Variants in MANF observed in about 807,000 individuals in gnomAD.
The protein encoded by MANF is mesencephalic astrocyte derived neurotrophic factor, also known as mesencephalic astrocyte-derived neurotrophic factor.
A neutral mutation model predicts 19.1 loss-of-function variants in MANF; 9 were observed. The observed-to-expected ratio is 0.47, with a 90% confidence interval of 0.28 to 0.82. The LOEUF (loss-of-function observed/expected upper bound fraction) is 0.82. Ranked by LOEUF, MANF falls within the 40% of genes least tolerant of loss-of-function variation. The pLI is 0.10. For missense variants in MANF, 225 were observed against 226.7 expected (o/e 0.99, Z 0.05); for synonymous variants, 89 against 88.0 (o/e 1.01, Z -0.06).
Position 51,388,906 on chromosome 3 carries a change from C to G in MANF, c.366C>G (p.Asp122Glu), listed in dbSNP as rs1553621150. 1 of 1,564,780 alleles carries G rather than the reference C, an allele frequency of 6.4e-7. No individual in the cohort carries two copies. ...GACTCTCCCTGCTCTCTCCTCCAGA[C>G]AAGCAGATCGACCTGAGCACAGTGG... ...KDSQICELKYDKQIDLSTVDL... is the reference protein window; with the variant it reads ...KDSQICELKYEKQIDLSTVDL... Residue 122 changes from aspartate (D) to glutamate (E), a missense_variant and splice_region_variant, in exon 4 of 4, where the codon GAC (aspartate) becomes GAG (glutamate). Transcript: ENST00000528157.
chr3:51,387,669 G>T, intron 2 of MANF, 68 bp from the exon 3 acceptor site: 1 of 1,453,056 alleles, frequency 6.9e-7, no homozygotes, highest in South Asian at 1.2e-5. Context: ...ATGTTTCAAG[G>T]TGTCAGTATG....
Position 51,385,332 on chromosome 3 carries a change from G to GGAGGAGGAT in MANF, c.-9_-8insGGAGGATGA, listed in dbSNP as rs2088930925. 3 of 1,107,508 alleles carry GGAGGAGGAT rather than the reference G, an allele frequency of 2.7e-6. No homozygotes were observed. In the Admixed American group the frequency reaches 1.3e-4, roughly 49 times the overall value. 68.6% of individuals were successfully genotyped at this position (1,107,508 alleles called of 1,614,324 possible). A position where few individuals can be genotyped will look rare whatever the true frequency, so the allele number is the denominator to read the frequency against. ...CAGCGGAGGAGGAGGAGGAGGAGGA[G>GGAGGAGGAT]GATGAGGAGGATGAGGAGGATGTGG... is the stretch of plus-strand genomic sequence containing the variant. On this transcript the variant is annotated 5_prime_UTR_variant, in exon 1 of 4. It adds an upstream start codon to the 5' untranslated region. Coordinates refer to ENST00000528157, the MANE Select transcript of MANF (RefSeq NM_006010.6).
intron 3 of MANF, among the ~76,000 whole-genome samples, 191 bp downstream of exon 3, chr3:51,388,069 C>T (rs1010565965): frequency 1.3e-5 from 2 of 152,126 alleles, no homozygotes; most frequent in Admixed American, 6.5e-5. Context: ...AGTGATATTT[C>T]AGCAAACTTT....
intron 2 of MANF, among the ~76,000 whole-genome samples, 174 bp downstream of exon 2, chr3:51,386,509 T>C (rs1400929264): frequency 6.6e-6 from 1 of 152,248 alleles, no homozygotes; most frequent in Non-Finnish European, 1.5e-5. Flanking sequence ...GCAGCATGTG[T>C]TCTGCAACTG....
rs782593739 is a variant in MANF, at chr3:51,388,980, G to T, written c.440G>T (p.Trp147Leu). The change falls in exon 4 of 4, where the codon TGG becomes TTG. Residue 147 changes from tryptophan to leucine, a missense_variant. By Grantham distance (61) the Trp-to-Leu change is moderately conservative. Transcript: ENST00000528157. ...GAGCTGAAGAAGATTCTGGATGACT[G>T]GGGGGAGACATGCAAAGGCTGTGCA... ...VKELKKILDDWGETCKGCAEK... is the reference protein window; with the variant it reads ...VKELKKILDDLGETCKGCAEK... 6 of 1,605,158 alleles carry T rather than the reference G, an allele frequency of 3.7e-6. No individual in the cohort carries two copies. The highest frequency in any genetic ancestry group is 5.1e-6 in the Non-Finnish European group (6 of 1,175,428).
intron 3 of MANF, 143 bp downstream of exon 3, chr3:51,388,021 T>C (rs1553621074): frequency 1.0e-5 from 8 of 778,358 alleles, no homozygotes; most frequent in African/African-American, 1.8e-5. Context: ...GGCTCTGGCA[T>C]GGAAGTGGGT....
At chr3:51,386,114 C>A in intron 1 of MANF, 94 bp from the exon 2 acceptor site, 1 of 1,334,034 alleles carries the variant, frequency 7.5e-7, no homozygotes, top group East Asian at 2.4e-5. Flanking sequence ...GATTCATCTC[C>A]GTGTCTCCTA....
At chr3:51,386,153 G>A (rs1192798768) in intron 1 of MANF, 55 bp from the exon 2 acceptor site, 18 of 1,593,812 alleles carry the variant, frequency 1.1e-5, no homozygotes, top group Non-Finnish European at 1.4e-5. Context: ...TTCTTTTCTG[G>A]TGGATTGGAA....
chr3:51,388,368 C>G (rs2088983538), intron 3 of MANF, among the ~76,000 whole-genome samples: 1 of 152,220 alleles, frequency 6.6e-6, no homozygotes, highest in Admixed American at 6.5e-5. Flanking sequence ...TACAGCATCT[C>G]TCTTGCTGAC....
At position 51,385,363 on chromosome 3, in the gene MANF, G is replaced by A. The variant is rs1553620700; in HGVS notation, c.21G>A (p.Thr7=). The A allele has an allele frequency of 1.6e-6, 2 of 1,239,992 alleles. No homozygotes were observed. Among genetic ancestry groups the A allele is most frequent in the Non-Finnish European group, 2.0e-6 (2 of 989,844 alleles). 76.8% of individuals were successfully genotyped at this position (1,239,992 alleles called of 1,614,324 possible). A position where few individuals can be genotyped will look rare whatever the true frequency, so the allele number is the denominator to read the frequency against. The change falls in exon 1 of 4, where the codon ACG becomes ACA. Residue 7 remains threonine, a synonymous_variant. Coordinates refer to ENST00000528157, the MANE Select transcript of MANF (RefSeq NM_006010.6). MRRMWA[T]QGLAVALALS... ...GGAGGATGAGGAGGATGTGGGCCAC[G>A]CAGGGGCTGGCGGTGGCGCTGGCTC...
chr3:51,387,741 A>T lies in MANF; in HGVS notation c.227A>T (p.Tyr76Phe), dbSNP rs540965507. ...CATTGTCCTTTATTGCTCCAGTGCT[A>T]CTATATCGGGGCCACAGATGATGCA... Reference protein sequence around the residue: ...EARGKENRLCYYIGATDDAAT... With the variant: ...EARGKENRLCFYIGATDDAAT... The change falls in exon 3 of 4, where the codon TAC becomes TTC. Residue 76 changes from tyrosine (Y) to phenylalanine (F), a missense_variant. Tyr to Phe is a conservative substitution (Grantham distance 22). Coordinates refer to ENST00000528157, the MANE Select transcript of MANF (RefSeq NM_006010.6). 5.6e-6 allele frequency: 9 copies of T among 1,611,232 alleles called. No individual in the cohort carries two copies. Among genetic ancestry groups the T allele is most frequent in the Non-Finnish European group, 7.6e-6 (9 of 1,178,472 alleles).
Position 51,385,338 on chromosome 3 carries a change from G to GGAGGAT in MANF, c.2_7dup, listed in dbSNP as rs1577015342. 36 of 1,231,736 alleles carry GGAGGAT rather than the reference G, an allele frequency of 2.9e-5. No individual in the cohort carries two copies. The highest frequency in any genetic ancestry group is 1.6e-4 in the East Asian group (5 of 31,682). 76.3% of individuals were successfully genotyped at this position (1,231,736 alleles called of 1,614,324 possible). On this transcript the variant is annotated 5_prime_UTR_variant, in exon 1 of 4. It adds an upstream start codon to the 5' untranslated region. Coordinates refer to ENST00000528157, the MANE Select transcript of MANF (RefSeq NM_006010.6). ...AGGAGGAGGAGGAGGAGGAGGATGA[G>GGAGGAT]GAGGATGAGGAGGATGTGGGCCACG...
At chr3:51,388,802 C>T in intron 3 of MANF, 103 bp from the exon 4 acceptor site, 2 of 790,370 alleles carry the variant, frequency 2.5e-6, no homozygotes, top group South Asian at 2.0e-5. Context: ...CCTCTGAAAC[C>T]AGTAGGGCTG....
At chr3:51,387,213 G>A (rs1428605015) in intron 2 of MANF, among the ~76,000 whole-genome samples, 2 of 152,190 alleles carry the variant, frequency 1.3e-5, no homozygotes, top group East Asian at 3.9e-4. Flanking sequence ...TCAGCACTTT[G>A]GGAGACCGAG....
Position 51,389,118 on chromosome 3 carries a change from G to A in MANF, c.*29G>A, listed in dbSNP as rs782528122. ...GCTCAATCTCTGTTGCACCTGAGGGGGAAAAAACAGTTCAACTGCTTACTC... is the reference window on the plus strand; with the variant it reads ...GCTCAATCTCTGTTGCACCTGAGGGAGAAAAAACAGTTCAACTGCTTACTC... On this transcript the variant is annotated 3_prime_UTR_variant, in exon 4 of 4. Coordinates refer to ENST00000528157, the MANE Select transcript of MANF (RefSeq NM_006010.6). The A allele has an allele frequency of 2.5e-6, 4 of 1,585,484 alleles. No homozygotes were observed. Among genetic ancestry groups the A allele is most frequent in the Admixed American group, 3.7e-5 (2 of 53,838 alleles).
intron 2 of MANF, chr3:51,386,877 C>CT: frequency 4.4e-6 from 2 of 456,784 alleles, no homozygotes; most frequent in East Asian, 6.9e-5. Context: ...TTGAATTTCT[C>CT]TGACAGTCTC....
chr3:51,387,646 C>A, intron 2 of MANF, 91 bp from the exon 3 acceptor site: 1 of 1,288,872 alleles, frequency 7.8e-7, no homozygotes, highest in Non-Finnish European at 1.1e-6. Flanking sequence ...AAGTAAGGCC[C>A]TACAGAGAGA....
Position 51,389,203 on chromosome 3 carries a change from T to A in MANF, c.*114T>A. The A allele has an allele frequency of 1.1e-6, 1 of 900,552 alleles. No homozygotes were observed. Among genetic ancestry groups the A allele is most frequent in the Non-Finnish European group, 1.7e-6 (1 of 595,522 alleles). The allele number at this position is 900,552 out of a possible 1,614,324, so 55.8% of individuals were successfully genotyped here. ...GGGCTCCTGACAATACTGTATCAGATGTGAAGCCTGGAGCTTTCCTGATGA... is the reference window on the plus strand; with the variant it reads ...GGGCTCCTGACAATACTGTATCAGAAGTGAAGCCTGGAGCTTTCCTGATGA... On this transcript the variant is annotated 3_prime_UTR_variant, in exon 4 of 4. Transcript: ENST00000528157.
In MANF at chr3:51,385,405, C is replaced by G; in HGVS notation, c.63C>G (p.Gly21=). ...CGCTGGCTCTGAGCGTGCTGCCGGG[C>G]AGCCGGGCGCTGCGGCCGGGCGACT... ...AVALALSVLP[G]SRALRPGDCE... The change falls in exon 1 of 4, where the codon GGC becomes GGG. Residue 21 remains glycine (G), a synonymous_variant. Coordinates refer to ENST00000528157, the MANE Select transcript of MANF (RefSeq NM_006010.6). The G allele has an allele frequency of 8.1e-7, 1 of 1,237,868 alleles. No individual in the cohort carries two copies. Among genetic ancestry groups the G allele is most frequent in the Non-Finnish European group, 1.0e-6 (1 of 989,362 alleles). 76.7% of individuals were successfully genotyped at this position (1,237,868 alleles called of 1,614,324 possible).
Sources: gnomAD v4.1 joint callset for allele counts (sites outside exome capture counted in the v4.1 genomes callset) on GRCh38, gnomAD v4.1.1 for gene constraint, MANE v1.5 for transcripts, NCBI Gene and HGNC (gene_info 2026-07-23, HGNC 2026-07-21) for gene names.